NLGN1: variants seen among roughly 807,000 people sequenced by gnomAD.
NLGN1 encodes neuroligin-1.
Under a neutral mutation model 65.5 loss-of-function variants are expected in NLGN1, and 12 were observed. The ratio of observed to expected loss-of-function variants is 0.18; its 90% confidence interval spans 0.12 to 0.30. NLGN1 has a LOEUF of 0.30. Ranked by LOEUF, NLGN1 falls within the 10% of genes least tolerant of loss-of-function variation. The pLI, the probability that NLGN1 is intolerant of heterozygous loss-of-function variation, is 1.00. For missense variants in NLGN1, 750 were observed against 1,007.1 expected, an observed-to-expected ratio of 0.74 and a Z score of 3.46; for synonymous variants, 350 against 359.5, an observed-to-expected ratio of 0.97 and a Z score of 0.30.
chr3:174,100,145 C>T (rs6799153), intron 4 of NLGN1, among the ~76,000 whole-genome samples: 30,013 of 151,850 alleles, frequency 0.2, 4,291 homozygotes, highest in African/African-American at 0.41. Flanking sequence ...GAGTTTGACT[C>T]GAAACGAAAA....
At chr3:173,503,492 G>A (rs540498192) in intron 2 of NLGN1, among the ~76,000 whole-genome samples, 5 of 152,104 alleles carry the variant, frequency 3.3e-5, no homozygotes, top group South Asian at 2.1e-4. Flanking sequence ...TTATAAAAAC[G>A]AAGTTGTACA....
chr3:173,482,601 A>G (rs1180604040), intron 2 of NLGN1, among the ~76,000 whole-genome samples: 1 of 151,868 alleles, frequency 6.6e-6, no homozygotes, highest in Non-Finnish European at 1.5e-5. Context: ...ATGGTCTCTT[A>G]ATTTTTTGAA....
chr3:173,693,488 G>A (rs1023272886), intron 3 of NLGN1, among the ~76,000 whole-genome samples: 4 of 151,968 alleles, frequency 2.6e-5, no homozygotes, highest in African/African-American at 9.7e-5. Context: ...TATTAATAGA[G>A]TATTTATAAA....
chr3:174,003,990 T>G (rs1348824653), intron 4 of NLGN1, among the ~76,000 whole-genome samples: 1 of 152,186 alleles, frequency 6.6e-6, no homozygotes, highest in Non-Finnish European at 1.5e-5. Context: ...TGGAATAAAC[T>G]TTATAAGTGA....
At chr3:173,820,354 A>G (rs904996103) in intron 4 of NLGN1, among the ~76,000 whole-genome samples, 1 of 152,062 alleles carries the variant, frequency 6.6e-6, no homozygotes. Context: ...TTCCCATATT[A>G]TTTGCATTCT....
intron 4 of NLGN1, among the ~76,000 whole-genome samples, chr3:174,056,893 TC>T (rs1158939803): frequency 6.6e-6 from 1 of 151,992 alleles, no homozygotes; most frequent in Non-Finnish European, 1.5e-5. Flanking sequence ...AGTTTTATAA[TC>T]TAACTTTTAA....
intron 4 of NLGN1, among the ~76,000 whole-genome samples, chr3:173,913,104 T>C (rs943629279): frequency 1.3e-5 from 2 of 152,266 alleles, no homozygotes; most frequent in East Asian, 1.9e-4. Context: ...GTTAACTAAA[T>C]ATGGCTCTGC....
chr3:174,051,912 C>T (rs1008613217), intron 4 of NLGN1, among the ~76,000 whole-genome samples: 1 of 151,920 alleles, frequency 6.6e-6, no homozygotes, highest in East Asian at 1.9e-4. Context: ...AAAAAGGATG[C>T]GGATTCAGTG....
intron 3 of NLGN1, among the ~76,000 whole-genome samples, chr3:173,678,761 A>C (rs184567574): frequency 6.6e-6 from 1 of 152,256 alleles, no homozygotes; most frequent in Admixed American, 6.6e-5. Flanking sequence ...AACATGGAAA[A>C]TAGATTTTAA....
At chr3:173,728,586 A>G (rs1429766378) in intron 3 of NLGN1, among the ~76,000 whole-genome samples, 2 of 152,066 alleles carry the variant, frequency 1.3e-5, no homozygotes, top group African/African-American at 4.8e-5. Flanking sequence ...GTCTTTTAAG[A>G]TGTACTTAGT....
intron 3 of NLGN1, among the ~76,000 whole-genome samples, chr3:173,805,591 T>C (rs1478937515): frequency 6.6e-6 from 1 of 152,160 alleles, no homozygotes; most frequent in African/African-American, 2.4e-5. Context: ...GTTTTCCAGG[T>C]GAACAGAATG....
Position 173,455,444 on chromosome 3 carries a change from T to C in NLGN1, c.-321+20366T>C, listed in dbSNP as rs192126167. 6.0e-3 allele frequency among the ~76,000 whole-genome samples: 911 copies of C among 152,258 alleles called. 15 individuals carry two copies. Among genetic ancestry groups the C allele is most frequent in the African/African-American group, 0.021 (885 of 41,562 alleles). On this transcript the variant is annotated intron_variant, in intron 2 of 6. Coordinates refer to ENST00000457714, the Ensembl canonical transcript of NLGN1. ...CAACATTTGAGGTTACATTTCAATA[T>C]GTGATTCAGTGGGGACAAAATATCC...
chr3:173,403,365 G>A (rs1343431777), intron 1 of NLGN1, among the ~76,000 whole-genome samples: 1 of 151,980 alleles, frequency 6.6e-6, no homozygotes, highest in Non-Finnish European at 1.5e-5. Context: ...AACAGATCAC[G>A]TATCCTCATC....
chr3:173,625,784 TAA>T (rs1754735093), intron 3 of NLGN1, among the ~76,000 whole-genome samples: 1 of 152,144 alleles, frequency 6.6e-6, no homozygotes, highest in Admixed American at 6.6e-5. Context: ...GTTAATGTAA[TAA>T]GTCTTTATGT....
At chr3:174,167,625 A>G (rs1201027375) in intron 4 of NLGN1, among the ~76,000 whole-genome samples, 2 of 141,276 alleles carry the variant, frequency 1.4e-5, no homozygotes, top group African/African-American at 5.3e-5. Context: ...AGTTGCCCTT[A>G]AGATTTTTTT....
intron 3 of NLGN1, among the ~76,000 whole-genome samples, chr3:173,650,929 T>A (rs1053028197): frequency 2.7e-4 from 41 of 152,232 alleles, no homozygotes; most frequent in African/African-American, 7.2e-4. Flanking sequence ...TGTTTATTTT[T>A]TTTTTTTATT....
intron 4 of NLGN1, among the ~76,000 whole-genome samples, chr3:173,968,249 G>T (rs1715320067): frequency 6.6e-6 from 1 of 152,062 alleles, no homozygotes; most frequent in African/African-American, 2.4e-5. Flanking sequence ...TTACTATCAA[G>T]AACATCTTTT....
intron 4 of NLGN1, among the ~76,000 whole-genome samples, chr3:174,022,884 G>C (rs1342684662): frequency 1.3e-5 from 2 of 152,110 alleles, no homozygotes; most frequent in Admixed American, 1.3e-4. Flanking sequence ...GTCTCTTTTA[G>C]AGCTGGGTGT....
chr3:173,799,900 A>G (rs1161563910), intron 3 of NLGN1, among the ~76,000 whole-genome samples: 1 of 151,814 alleles, frequency 6.6e-6, no homozygotes, highest in Non-Finnish European at 1.5e-5. Flanking sequence ...AATGAATTTG[A>G]CCTACTTTTT....
Sources: allele counts gnomAD v4.1 joint callset (sites outside exome capture counted in the v4.1 genomes callset), GRCh38; gene constraint gnomAD v4.1.1; transcripts MANE v1.5; gene names NCBI Gene and HGNC (gene_info 2026-07-23, HGNC 2026-07-21).